SOX6: variants seen among roughly 807,000 people sequenced by gnomAD.
SOX6 encodes the protein transcription factor SOX-6.
SOX6 carries 11 observed loss-of-function variants against 97.8 expected under a neutral mutation model. The ratio of observed to expected loss-of-function variants is 0.11; its 90% CI spans 0.07 to 0.19. The LOEUF (loss-of-function observed/expected upper bound fraction) is 0.19. SOX6 is among the 10% of genes least tolerant of loss of function. The pLI is 1.00. For missense variants in SOX6, 810 were observed against 1,039.5 expected (o/e 0.78, Z 3.04); for synonymous variants, 360 against 371.4 (o/e 0.97, Z 0.35).
intron 9 of SOX6, among the ~76,000 whole-genome samples, chr11:16,056,705 C>T (rs891963745): frequency 6.6e-6 from 1 of 152,100 alleles, no homozygotes; most frequent in East Asian, 1.9e-4. Context: ...TTCTCTTTGG[C>T]AAACCAATGA....
At chr11:16,151,595 A>C (rs1201138680) in intron 6 of SOX6, among the ~76,000 whole-genome samples, 1 of 152,134 alleles carries the variant, frequency 6.6e-6, no homozygotes, top group Non-Finnish European at 1.5e-5. Context: ...GGAGAGTTTC[A>C]CCCCATAATT....
intron 13 of SOX6, among the ~76,000 whole-genome samples, chr11:15,990,531 G>C (rs1854016897): frequency 6.6e-6 from 1 of 151,798 alleles, no homozygotes; most frequent in South Asian, 2.1e-4. Flanking sequence ...TGGCACATAG[G>C]ATTTCAATTA....
At chr11:16,132,505 A>C (rs11023853) in intron 6 of SOX6, among the ~76,000 whole-genome samples, 26,141 of 85,052 alleles carry the variant, frequency 0.31, 6,982 homozygotes, top group East Asian at 0.44. Flanking sequence ...AGAAAGAAAG[A>C]AAGCTTATCT....
chr11:16,308,182 C>T (rs892493358), intron 3 of SOX6, among the ~76,000 whole-genome samples: 1 of 152,012 alleles, frequency 6.6e-6, no homozygotes, highest in Non-Finnish European at 1.5e-5. Context: ...AAAATTCTAA[C>T]ATCAGAAAGA....
At chr11:16,678,661 G>A (rs1230736434) in intron 3 of SOX6, among the ~76,000 whole-genome samples, 1 of 152,202 alleles carries the variant, frequency 6.6e-6, no homozygotes, top group Non-Finnish European at 1.5e-5. Flanking sequence ...GCCTCATCTA[G>A]GAAGTGCAAG....
chr11:16,015,793 T>C (rs547481354), intron 12 of SOX6, among the ~76,000 whole-genome samples: 80 of 152,090 alleles, frequency 5.3e-4, no homozygotes, highest in African/African-American at 1.8e-3. Context: ...ATCATTAATA[T>C]GGTGTTCTTG....
At chr11:16,332,615 C>T (rs571312709) in intron 2 of SOX6, among the ~76,000 whole-genome samples, 1 of 152,150 alleles carries the variant, frequency 6.6e-6, no homozygotes, top group African/African-American at 2.4e-5. Flanking sequence ...AAATGAAATG[C>T]ATAAATATTC....
At chr11:16,075,231 A>C (rs938305125) in intron 9 of SOX6, among the ~76,000 whole-genome samples, 13 of 152,190 alleles carry the variant, frequency 8.5e-5, no homozygotes, top group Non-Finnish European at 2.9e-5. Flanking sequence ...TGGGTAATTT[A>C]TAAAGAAAAA....
intron 4 of SOX6, among the ~76,000 whole-genome samples, chr11:16,601,889 G>C (rs1481056864): frequency 2.0e-5 from 3 of 152,032 alleles, no homozygotes; most frequent in Non-Finnish European, 4.4e-5. Context: ...TTGCCAGTTA[G>C]GTTAACATAT....
At chr11:16,099,234 T>C (rs1267604115) in intron 7 of SOX6, among the ~76,000 whole-genome samples, 1 of 151,834 alleles carries the variant, frequency 6.6e-6, no homozygotes, top group Non-Finnish European at 1.5e-5. Flanking sequence ...TGCAGTACTA[T>C]ATGAGCTTTT....
chr11:16,689,542 C>T (rs1320950542), intron 3 of SOX6, among the ~76,000 whole-genome samples: 1 of 152,308 alleles, frequency 6.6e-6, no homozygotes, highest in South Asian at 2.1e-4. Context: ...CCGATGCCTA[C>T]TAGTCCATCT....
At chr11:16,667,638 G>A (rs529224232) in intron 3 of SOX6, among the ~76,000 whole-genome samples, 1 of 152,190 alleles carries the variant, frequency 6.6e-6, no homozygotes, top group East Asian at 1.9e-4. Context: ...GACAAAAGGT[G>A]AGGTATTTCA....
chr11:16,282,004 T>C (rs201742995), intron 3 of SOX6, among the ~76,000 whole-genome samples: 12 of 119,324 alleles, frequency 1.0e-4, no homozygotes, highest in Non-Finnish European at 1.5e-4. Context: ...TATATATATA[T>C]ATACACACAC....
chr11:16,267,232 G>C (rs1339422572), intron 3 of SOX6, among the ~76,000 whole-genome samples: 1 of 151,134 alleles, frequency 6.6e-6, no homozygotes, highest in Non-Finnish European at 1.5e-5. Context: ...CACAACAAAT[G>C]AAACAATTAA....
chr11:16,382,002 G>A (rs963121524), intron 1 of SOX6, among the ~76,000 whole-genome samples: 4 of 151,926 alleles, frequency 2.6e-5, no homozygotes, highest in African/African-American at 9.7e-5. Context: ...CTAAGTGAAT[G>A]TTATTAACCA....
intron 2 of SOX6, among the ~76,000 whole-genome samples, chr11:16,734,828 C>T (rs993902953): frequency 6.6e-6 from 1 of 152,158 alleles, no homozygotes; most frequent in African/African-American, 2.4e-5. Context: ...GAGTCTAGAA[C>T]AGTCAACAAG....
intron 9 of SOX6, among the ~76,000 whole-genome samples, chr11:16,090,526 C>G (rs1848661939): frequency 6.6e-6 from 1 of 151,918 alleles, no homozygotes; most frequent in Non-Finnish European, 1.5e-5. Context: ...CTTTAGCCTC[C>G]ATTAGGATTC....
chr11:16,462,194 A>C (rs1324549192), intron 1 of SOX6, among the ~76,000 whole-genome samples: 1 of 152,258 alleles, frequency 6.6e-6, no homozygotes, highest in African/African-American at 2.4e-5. Context: ...TATACCATCC[A>C]GAATGAAGAT....
intron 1 of SOX6, among the ~76,000 whole-genome samples, chr11:16,388,667 C>T (rs10734242): frequency 1 from 151,524 of 152,260 alleles, 75,400 homozygotes; most frequent in Middle Eastern, 1. Context: ...CAGATATTCA[C>T]AATATTTTCT....
Sources: gnomAD v4.1 joint callset for allele counts (sites outside exome capture counted in the v4.1 genomes callset) on GRCh38, gnomAD v4.1.1 for gene constraint, MANE v1.5 for transcripts, NCBI Gene and HGNC (gene_info 2026-07-23, HGNC 2026-07-21) for gene names.